MYH9: variants seen among roughly 807,000 people sequenced by gnomAD.
The protein encoded by MYH9 is myosin heavy chain 9, also known as myosin-9.
In MYH9, 29 loss-of-function variants were observed where a neutral mutation model predicts 241.9. The observed-to-expected ratio is 0.12, with a 90% CI of 0.09 to 0.16. The LOEUF is 0.16. MYH9 is among the 10% of genes least tolerant of loss of function. MYH9 has a pLI of 1.00. For missense variants in MYH9, 1,803 were observed against 2,595.5 expected (o/e 0.69, Z 6.63); for synonymous variants, 1,047 against 1,062.6 (o/e 0.99, Z 0.29).
At position 36,281,391 on chromosome 22, in the gene MYH9, G is replaced by T. The variant is rs2016485795; in HGVS notation, c.*1277C>A. 3 of 226,540 alleles carry T rather than the reference G, an allele frequency of 1.3e-5. No individual in the cohort carries two copies. Among genetic ancestry groups the T allele is most frequent in the African/African-American group, 2.2e-5 (1 of 44,920 alleles). The allele number at this position is 226,540 out of a possible 1,614,324, so 14.0% of individuals were successfully genotyped here. ...AAGGCACTTTTATTATATAAAAAAG[G>T]GGGTAGGGTGGGAGTTTCACTCACT... On this transcript the variant is annotated 3_prime_UTR_variant, in exon 41 of 41. Coordinates refer to ENST00000216181, the MANE Select transcript of MYH9 (RefSeq NM_002473.6).
rs930143192 is a variant in MYH9, at chr22:36,301,153, A to C, written c.2632-96T>G. 10 of 1,221,058 alleles carry C rather than the reference A, an allele frequency of 8.2e-6. No individual in the cohort carries two copies. In the East Asian group the frequency reaches 2.3e-4, roughly 29 times the overall value. The allele number at this position is 1,221,058 out of a possible 1,614,324, so 75.6% of individuals were successfully genotyped here. On this transcript the variant is annotated intron_variant, in intron 21 of 40. Transcript: ENST00000216181. ...GCCATGGCTCGGGATCCCAGAGGGA[A>C]AGGAACATGCAGACAAAAGTAGCTT...
At chr22:36,302,725 GACC>G in intron 19 of MYH9, 49 bp from the exon 20 acceptor site, 1 of 1,502,908 alleles carries the variant, frequency 6.7e-7, no homozygotes, top group Non-Finnish European at 9.2e-7. Flanking sequence ...CAGCAGACCC[GACC>G]TAACAGTCCT....
In MYH9 at chr22:36,293,560, G is replaced by A; in HGVS notation, c.3943-79C>T. On this transcript the variant is annotated intron_variant, in intron 29 of 40. Coordinates refer to ENST00000216181, the MANE Select transcript of MYH9 (RefSeq NM_002473.6). This position sits in a 1 kb window ranked among gnomAD's most constrained non-coding sequence, Gnocchi z 5.1. Reference sequence around the variant, plus strand: ...CAGGAACCCCACACCCTTGAGGAGAGGGAGGAGCTGGTCCTGCTGATTTAG... The same window carrying A: ...CAGGAACCCCACACCCTTGAGGAGAAGGAGGAGCTGGTCCTGCTGATTTAG... 1 of 1,579,734 alleles carries A rather than the reference G, an allele frequency of 6.3e-7. No individual in the cohort carries two copies. The highest frequency in any genetic ancestry group is 8.6e-7 in the Non-Finnish European group (1 of 1,158,726).
chr22:36,329,883 G>A lies in MYH9; in HGVS notation c.491-2395C>T, dbSNP rs192136769. 4.0e-3 allele frequency among the ~76,000 whole-genome samples: 613 copies of A among 152,262 alleles called. 1 individual carries two copies. Among genetic ancestry groups the A allele is most frequent in the Non-Finnish European group, 6.2e-3 (419 of 68,028 alleles). On this transcript the variant is annotated intron_variant, in intron 3 of 40. Coordinates refer to ENST00000216181, the MANE Select transcript of MYH9 (RefSeq NM_002473.6). This position sits in a 1 kb window ranked among gnomAD's most constrained non-coding sequence, Gnocchi z 4.1. ...GGTACGTGTGCACAGAAATACATGC[G>A]CACACACGTGTGCAAAGCCATATAC... is the stretch of plus-strand genomic sequence containing the variant.
Position 36,305,625 on chromosome 22 carries a change from C to A in MYH9, c.2159+305G>T, listed in dbSNP as rs1350164339. On this transcript the variant is annotated intron_variant, in intron 17 of 40. Coordinates refer to ENST00000216181, the MANE Select transcript of MYH9 (RefSeq NM_002473.6). This position sits in a 1 kb window ranked among gnomAD's most constrained non-coding sequence, Gnocchi z 4.7. The stretch of plus-strand genomic sequence containing the variant: ...TAATATCCTAGGTCTCTGGCTGATT[C>A]TTTTACATTTCTTTTCATAGCTCCT... Among the ~76,000 whole-genome samples, 1 of 152,202 alleles carries A rather than the reference C, an allele frequency of 6.6e-6. No individual in the cohort carries two copies. The highest frequency in any genetic ancestry group is 1.5e-5 in the Non-Finnish European group (1 of 68,044).
intron 12 of MYH9, among the ~76,000 whole-genome samples, chr22:36,314,981 G>A (rs1386717347): frequency 6.6e-6 from 1 of 152,094 alleles, no homozygotes; most frequent in Non-Finnish European, 1.5e-5. Context: ...ATGGGGCCTT[G>A]CTTTGTTGCC....
intron 38 of MYH9, among the ~76,000 whole-genome samples, 173 bp downstream of exon 38, chr22:36,284,948 G>C (rs1218186930): frequency 3.3e-5 from 5 of 152,170 alleles, no homozygotes; most frequent in African/African-American, 1.2e-4. Flanking sequence ...AACCCCACAA[G>C]CTCCCCCAAC....
chr22:36,317,354 T>G (rs1175562091), intron 11 of MYH9, among the ~76,000 whole-genome samples: 1 of 152,166 alleles, frequency 6.6e-6, no homozygotes, highest in African/African-American at 2.4e-5. Flanking sequence ...ATGATATTCA[T>G]CACTGGGAAT....
rs35938088 is a variant in MYH9, at chr22:36,353,009, G to A, written c.-19-3754C>T. Among the ~76,000 whole-genome samples, 5 of 152,086 alleles carry A rather than the reference G, an allele frequency of 3.3e-5. No individual in the cohort carries two copies. In the South Asian group the frequency reaches 1.0e-3, roughly 32 times the overall value. On this transcript the variant is annotated intron_variant, in intron 1 of 40. Transcript: ENST00000216181. ...TGGAGTTTCTATGAAAGCCCCCTCG[G>A]CCACCTGGGCAGGATCAGCCACATT...
At chr22:36,384,919 G>A (rs2018328286) in intron 1 of MYH9, among the ~76,000 whole-genome samples, 1 of 151,768 alleles carries the variant, frequency 6.6e-6, no homozygotes, top group African/African-American at 2.4e-5. Flanking sequence ...CACTGCCAGG[G>A]CTCCATTCTT....
intron 1 of MYH9, among the ~76,000 whole-genome samples, chr22:36,363,818 C>A (rs2146408652): frequency 6.6e-6 from 1 of 152,306 alleles, no homozygotes; most frequent in African/African-American, 2.4e-5. Flanking sequence ...GTTGGGTTCA[C>A]CAAGCGCACC....
Position 36,321,824 on chromosome 22 carries a change from A to G in MYH9, c.706-3T>C, listed in dbSNP as rs1445256858. ...AAGTTGATGCGAATGAATTTGCCCT[A>G]AGTAAGAAAGGATAGCAAGAGATCA... is the stretch of plus-strand genomic sequence containing the variant. On this transcript the variant is annotated splice_region_variant and splice_polypyrimidine_tract_variant and intron_variant, in intron 6 of 40. Coordinates refer to ENST00000216181, the MANE Select transcript of MYH9 (RefSeq NM_002473.6). The G allele has an allele frequency of 1.9e-6, 3 of 1,613,560 alleles. No homozygotes were observed. In the African/African-American group the frequency reaches 4.0e-5, roughly 22 times the overall value.
intron 24 of MYH9, among the ~76,000 whole-genome samples, 162 bp downstream of exon 24, chr22:36,298,757 G>A (rs2146341479): frequency 6.6e-6 from 1 of 152,260 alleles, no homozygotes; most frequent in Admixed American, 6.5e-5. Context: ...CCCTCGACCT[G>A]GTGACCTCAG....
At position 36,306,467 on chromosome 22, in the gene MYH9, T is replaced by C; in HGVS notation, c.1984A>G (p.Arg662Gly). ...CGGACAAAGTTGGGGTTCGTGTTCC[T>C]CAGCGTAGCCATCAGCTTGGCCAGC... ...EQLAKLMATL[R>G]NTNPNFVRCI... Residue 662 changes from arginine (R) to glycine (G), a missense_variant, in exon 16 of 41, where the codon AGG becomes GGG. Physicochemically the swap from Arg to Gly is moderately radical, Grantham distance 125 (BLOSUM62 -2). Around this residue, in one of 11 missense-constraint regions of MYH9, gnomAD observed 163 missense variants for 349.7 expected, o/e 0.47. Coordinates refer to ENST00000216181, the MANE Select transcript of MYH9 (RefSeq NM_002473.6). The surrounding 1 kb of genome is among the most constrained non-coding windows in gnomAD (Gnocchi z 4.1). 1 of 1,614,130 alleles carries C rather than the reference T, an allele frequency of 6.2e-7. No homozygotes were observed. The highest frequency in any genetic ancestry group is 1.1e-5 in the South Asian group (1 of 91,078).
At chr22:36,314,640 G>GTTTT (rs371769551) in intron 12 of MYH9, among the ~76,000 whole-genome samples, 1 of 149,918 alleles carries the variant, frequency 6.7e-6, no homozygotes, top group Non-Finnish European at 1.5e-5. Flanking sequence ...GTAATACATT[G>GTTTT]TTTTTTTTTT....
chr22:36,339,496 A>G (rs2017549085), intron 3 of MYH9, among the ~76,000 whole-genome samples: 1 of 152,220 alleles, frequency 6.6e-6, no homozygotes, highest in Non-Finnish European at 1.5e-5. Context: ...CTTCCTCAAG[A>G]TATTTTGATA....
chr22:36,381,444 G>C (rs963742374), intron 1 of MYH9, among the ~76,000 whole-genome samples: 6 of 151,652 alleles, frequency 4.0e-5, no homozygotes, highest in Non-Finnish European at 7.4e-5. Context: ...ATGAACCCAG[G>C]AGGTGGAGGT....
intron 25 of MYH9, 78 bp downstream of exon 25, chr22:36,296,765 C>T: frequency 6.8e-7 from 1 of 1,460,652 alleles, no homozygotes; most frequent in Non-Finnish European, 9.1e-7. Context: ...CTCACTAGTG[C>T]CGAGAACTAG....
chr22:36,360,346 T>C (rs2017918949), intron 1 of MYH9, among the ~76,000 whole-genome samples: 1 of 152,136 alleles, frequency 6.6e-6, no homozygotes, highest in Non-Finnish European at 1.5e-5. Context: ...AAGGATGGAA[T>C]GCCGTCTCCC....
Sources: allele counts gnomAD v4.1 joint callset (sites outside exome capture counted in the v4.1 genomes callset), GRCh38; gene constraint gnomAD v4.1.1; regional missense constraint gnomAD v4.1.1; non-coding constraint Gnocchi (gnomAD v3.1); transcripts MANE v1.5; gene names NCBI Gene and HGNC (gene_info 2026-07-23, HGNC 2026-07-21).